The following ARFGEF1 variants were observed in gnomAD, a reference collection of about 807,000 sequenced individuals.
The protein encoded by ARFGEF1 is brefeldin A-inhibited guanine nucleotide-exchange protein 1.
In ARFGEF1, 42 loss-of-function variants were observed where a neutral mutation model predicts 231.0. The ratio of observed to expected loss-of-function variants is 0.18; its 90% CI spans 0.14 to 0.24. The LOEUF is 0.24. ARFGEF1 is among the 10% of genes least tolerant of loss of function. The probability of loss-of-function intolerance (pLI) is 1.00; values close to 1 mark genes in which losing one functional copy is unlikely to be tolerated. For missense variants in ARFGEF1, 1,345 were observed against 2,192.0 expected, an observed-to-expected ratio of 0.61 and a Z score of 7.72; for synonymous variants, 710 against 732.3, an observed-to-expected ratio of 0.97 and a Z score of 0.49.
At position 67,329,379 on chromosome 8, in the gene ARFGEF1, A is replaced by G. The variant is rs566363228; in HGVS notation, c.124+13785T>C. On this transcript the variant is annotated intron_variant, in intron 1 of 38. Coordinates refer to ENST00000262215, the MANE Select transcript of ARFGEF1 (RefSeq NM_006421.5). Reference sequence around the variant, plus strand: ...CCCGTCTCTATTAAAAATACAAAAAATTAGTCAGGCGTGGTGGCAGGTGCC... The same window carrying G: ...CCCGTCTCTATTAAAAATACAAAAAGTTAGTCAGGCGTGGTGGCAGGTGCC... 5.6e-4 allele frequency among the ~76,000 whole-genome samples: 85 copies of G among 151,480 alleles called. 1 individual carries two copies. Among genetic ancestry groups the G allele is most frequent in the Middle Eastern group, 3.4e-3 (1 of 294 alleles).
At chr8:67,314,196 C>T (rs1807201501) in intron 1 of ARFGEF1, among the ~76,000 whole-genome samples, 1 of 152,152 alleles carries the variant, frequency 6.6e-6, no homozygotes, top group Non-Finnish European at 1.5e-5. Flanking sequence ...TTCCGCCTCC[C>T]AGCTGTGAAA....
intron 5 of ARFGEF1, among the ~76,000 whole-genome samples, chr8:67,295,970 TAACA>T (rs1482771173): frequency 2.0e-5 from 3 of 152,306 alleles, no homozygotes; most frequent in African/African-American, 7.2e-5. Flanking sequence ...GCTGATCTCT[TAACA>T]ATCAACCTGA....
At chr8:67,181,102 A>G (rs1348371128) in intron 5 of ARFGEF1, among the ~76,000 whole-genome samples, 2 of 152,024 alleles carry the variant, frequency 1.3e-5, no homozygotes, top group African/African-American at 2.4e-5. Context: ...CAGCAGCACA[A>G]TCATTGCTCA....
At chr8:67,264,245 GAAAT>G (rs751426022) in intron 14 of ARFGEF1, among the ~76,000 whole-genome samples, 4 of 152,080 alleles carry the variant, frequency 2.6e-5, no homozygotes, top group Non-Finnish European at 5.9e-5. Flanking sequence ...ACTAGTTGAG[GAAAT>G]AAATAATCAT....
At chr8:67,266,370 T>C (rs1391324093) in intron 13 of ARFGEF1, among the ~76,000 whole-genome samples, 163 bp from the exon 14 acceptor site, 1 of 152,206 alleles carries the variant, frequency 6.6e-6, no homozygotes, top group East Asian at 1.9e-4. Context: ...TACTTTGATA[T>C]TAAAACACAC....
At chr8:67,277,164 AAACT>A in intron 8 of ARFGEF1, 114 bp downstream of exon 8, 4 of 1,058,484 alleles carry the variant, frequency 3.8e-6, no homozygotes, top group Non-Finnish European at 5.4e-6. Context: ...TTATTTCCCC[AAACT>A]AAATAAAAAT....
intron 1 of ARFGEF1, among the ~76,000 whole-genome samples, chr8:67,305,284 C>G (rs1806686042): frequency 6.6e-6 from 1 of 152,118 alleles, no homozygotes; most frequent in Non-Finnish European, 1.5e-5. Flanking sequence ...ACAGTTTTTA[C>G]AGCTGAACAT....
At chr8:67,295,283 C>T (rs1441671691) in intron 5 of ARFGEF1, among the ~76,000 whole-genome samples, 1 of 152,078 alleles carries the variant, frequency 6.6e-6, no homozygotes, top group African/African-American at 2.4e-5. Context: ...AGTATTTGCA[C>T]TGTCTTAAAA....
downstream of ARFGEF1, chr8:67,193,564 G>C (rs763390190): frequency 1.9e-6 from 3 of 1,613,748 alleles, no homozygotes; most frequent in Non-Finnish European, 8.5e-7. Flanking sequence ...GAACGAATGC[G>C]AAGACTGAAT....
intron 1 of ARFGEF1, among the ~76,000 whole-genome samples, chr8:67,324,151 GCAA>G (rs1331498370): frequency 5.3e-5 from 8 of 152,148 alleles, no homozygotes; most frequent in East Asian, 1.9e-4. Flanking sequence ...TCTCTGAAAT[GCAA>G]CAACAATTTC....
At chr8:67,276,898 A>G (rs1254609814) in intron 8 of ARFGEF1, among the ~76,000 whole-genome samples, 1 of 152,190 alleles carries the variant, frequency 6.6e-6, no homozygotes, top group Non-Finnish European at 1.5e-5. Flanking sequence ...TCTGAGCGTC[A>G]TCTTGGCACT....
At position 67,296,460 on chromosome 8, in the gene ARFGEF1, C is replaced by T; in HGVS notation, c.610G>A (p.Val204Ile). The change falls in exon 5 of 39, where the codon GTT becomes ATT. Residue 204 changes from valine to isoleucine, a missense_variant. Val to Ile is a conservative substitution (Grantham distance 29). This residue lies in a region of ARFGEF1 where 398 missense variants were observed against 463.2 expected (regional missense o/e 0.86). Coordinates refer to ENST00000262215, the MANE Select transcript of ARFGEF1 (RefSeq NM_006421.5). ...AKATLTQMLN[V>I]IFARMENQAL... ...TGGTTTTCCATGCGTGCAAAGATAA[C>T]ATTTAGCATCTGAGTGAGAGTAGCT... 6.2e-7 allele frequency: 1 copy of T among 1,613,894 alleles called. No individual in the cohort carries two copies. The highest frequency in any genetic ancestry group is 8.5e-7 in the Non-Finnish European group (1 of 1,179,918).
Position 67,276,011 on chromosome 8 carries a change from T to G in ARFGEF1, c.1302A>C (p.Ser434=). The G allele has an allele frequency of 6.2e-7, 1 of 1,613,470 alleles. No homozygotes were observed. Among genetic ancestry groups the G allele is most frequent in the East Asian group, 2.2e-5 (1 of 44,838 alleles). ...FLVFRSLCKL[S]MKPLSDGPPD... ...GTGGTCCATCTGACAGTGGTTTCAT[T>G]GACAGTTTACACAATGACCTGAATA... The change falls in exon 9 of 39, where the codon TCA becomes TCC. Residue 434 remains serine, a synonymous_variant. Transcript: ENST00000262215.
At chr8:67,227,702 T>C in intron 25 of ARFGEF1, 104 bp from the exon 26 acceptor site, 1 of 1,258,110 alleles carries the variant, frequency 7.9e-7, no homozygotes, top group African/African-American at 1.5e-5. Context: ...CATAGATAGG[T>C]AAATCCTAAG....
intron 33 of ARFGEF1, among the ~76,000 whole-genome samples, chr8:67,215,762 T>C (rs1199856875): frequency 3.3e-5 from 5 of 152,200 alleles, no homozygotes; most frequent in African/African-American, 9.6e-5. Flanking sequence ...CCATGGTCTT[T>C]AGAACCATGA....
chr8:67,257,931 T>C (rs1339547961), intron 16 of ARFGEF1, 115 bp from the exon 17 acceptor site: 4 of 1,202,974 alleles, frequency 3.3e-6, no homozygotes, highest in Admixed American at 4.7e-5. Context: ...CACATTACAA[T>C]TTTTTATGGA....
chr8:67,198,610 T>C lies in ARFGEF1; in HGVS notation c.*324A>G. 2 of 1,071,494 alleles carry C rather than the reference T, an allele frequency of 1.9e-6. No individual in the cohort carries two copies. The highest frequency in any genetic ancestry group is 3.2e-5 in the South Asian group (1 of 31,730). The allele number at this position is 1,071,494 out of a possible 1,614,324, so 66.4% of individuals were successfully genotyped here. On this transcript the variant is annotated 3_prime_UTR_variant, in exon 39 of 39. Transcript: ENST00000262215. Reference sequence around the variant, plus strand: ...TGTAGAAGTTCAATCTTTACATCTATAGTTCTTTGGGTAAGTTTCACTTCC... The same window carrying C: ...TGTAGAAGTTCAATCTTTACATCTACAGTTCTTTGGGTAAGTTTCACTTCC...
Position 67,299,319 on chromosome 8 carries a change from G to A in ARFGEF1, c.349C>T (p.Pro117Ser), listed in dbSNP as rs1376165205. The change falls in exon 4 of 39, where the codon CCA (proline) becomes TCA (serine). Residue 117 changes from proline to serine, a missense_variant. Pro to Ser is a moderately conservative substitution (Grantham distance 74). Transcript: ENST00000262215. ...IAYGHLTGNA[P>S]DSTTPGKKLI... ...TTTTTGCCTGGTGTTGTACTATCTG[G>A]AGCATTGCCAGTCAAGTGCCCATAA... 6.2e-7 allele frequency: 1 copy of A among 1,607,862 alleles called. No individual in the cohort carries two copies. Among genetic ancestry groups the A allele is most frequent in the Non-Finnish European group, 8.5e-7 (1 of 1,178,460 alleles).
intron 5 of ARFGEF1, among the ~76,000 whole-genome samples, chr8:67,186,180 T>C (rs1428394997): frequency 2.0e-5 from 3 of 152,186 alleles, no homozygotes; most frequent in African/African-American, 7.2e-5. Flanking sequence ...TGGCTGTCCT[T>C]TTTATAATGC....
Sources: allele counts gnomAD v4.1 joint callset (sites outside exome capture counted in the v4.1 genomes callset), GRCh38; gene constraint gnomAD v4.1.1; regional missense constraint gnomAD v4.1.1; transcripts MANE v1.5; gene names NCBI Gene and HGNC (gene_info 2026-07-23, HGNC 2026-07-21).